The following ADAMTS14 variants were observed in gnomAD, a reference collection of about 807,000 sequenced individuals.
ADAMTS14 encodes ADAM metallopeptidase with thrombospondin type 1 motif 14, also known as A disintegrin and metalloproteinase with thrombospondin motifs 14.
ADAMTS14 carries 100 observed loss-of-function variants against 128.6 expected under a neutral mutation model. That is an observed-to-expected ratio of 0.78 (90% CI 0.66 to 0.92). ADAMTS14 has a LOEUF of 0.92. Among genes scored for constraint, ADAMTS14 ranks in the 40% least tolerant of loss-of-function variants. The pLI is 0.00. For missense variants in ADAMTS14, 1,562 were observed against 1,658.6 expected, an observed-to-expected ratio of 0.94 and a Z score of 1.01; for synonymous variants, 665 against 653.8, an observed-to-expected ratio of 1.02 and a Z score of -0.26.
At chr10:70,680,945 G>A (rs1415397259) in intron 2 of ADAMTS14, among the ~76,000 whole-genome samples, 4 of 152,180 alleles carry the variant, frequency 2.6e-5, no homozygotes, top group South Asian at 2.1e-4. Flanking sequence ...CCAGCCAATC[G>A]TGATTACTTT....
At chr10:70,754,164 G>A (rs563784153) in intron 19 of ADAMTS14, among the ~76,000 whole-genome samples, 157 bp downstream of exon 19, 1 of 152,344 alleles carries the variant, frequency 6.6e-6, no homozygotes, top group East Asian at 1.9e-4. Context: ...CGTACCCTGG[G>A]CCGTGGCTCT....
intron 2 of ADAMTS14, among the ~76,000 whole-genome samples, chr10:70,701,935 G>A (rs142733386): frequency 6.6e-6 from 1 of 152,320 alleles, no homozygotes; most frequent in Non-Finnish European, 1.5e-5. Flanking sequence ...GCTTCGGGCT[G>A]GAGTGCAGTG....
chr10:70,702,335 C>A lies in ADAMTS14; in HGVS notation c.546C>A (p.Ser182Arg). 1 of 1,614,224 alleles carries A rather than the reference C, an allele frequency of 6.2e-7. No individual in the cohort carries two copies. Among genetic ancestry groups the A allele is most frequent in the Non-Finnish European group, 8.5e-7 (1 of 1,180,042 alleles). Reference sequence around the variant, plus strand: ...AGGCGGGCCTCATCCGCACAGACAGCACCGACTTCTTCATTGAGCCTCTGG... The same window carrying A: ...AGGCGGGCCTCATCCGCACAGACAGAACCGACTTCTTCATTGAGCCTCTGG... ...DGLAGLIRTD[S>R]TDFFIEPLER... The change falls in exon 3 of 22, where the codon AGC (serine) becomes AGA (arginine). Residue 182 changes from serine (S) to arginine (R), a missense_variant. Transcript: ENST00000373207.
intron 4 of ADAMTS14, among the ~76,000 whole-genome samples, chr10:70,710,927 G>A (rs1032407829): frequency 6.6e-6 from 1 of 152,208 alleles, no homozygotes; most frequent in Admixed American, 6.5e-5. Flanking sequence ...AACATTGGTA[G>A]GGCGCTGCCT....
chr10:70,692,696 AAAGAC>A (rs1207475860), intron 2 of ADAMTS14, among the ~76,000 whole-genome samples: 1 of 152,248 alleles, frequency 6.6e-6, no homozygotes, highest in East Asian at 1.9e-4. Context: ...CTTATTGCCT[AAAGAC>A]AAGTCCCTAA....
At chr10:70,735,797 G>A (rs1252617575) in intron 9 of ADAMTS14, among the ~76,000 whole-genome samples, 1 of 152,220 alleles carries the variant, frequency 6.6e-6, no homozygotes, top group African/African-American at 2.4e-5. Context: ...GGATGGCACA[G>A]GGGAAGACTG....
chr10:70,727,028 G>A (rs1046970864), intron 4 of ADAMTS14, among the ~76,000 whole-genome samples: 5 of 152,194 alleles, frequency 3.3e-5, no homozygotes, highest in Non-Finnish European at 7.3e-5. Context: ...TACTCAATTG[G>A]ATCCAGATAT....
At chr10:70,713,391 A>G (rs566057810) in intron 4 of ADAMTS14, among the ~76,000 whole-genome samples, 3 of 152,328 alleles carry the variant, frequency 2.0e-5, no homozygotes, top group Non-Finnish European at 2.9e-5. Flanking sequence ...TCCAGCTCAC[A>G]CTAGCTGAAG....
intron 2 of ADAMTS14, among the ~76,000 whole-genome samples, chr10:70,679,520 T>C (rs1290869106): frequency 6.6e-6 from 1 of 151,976 alleles, no homozygotes. Flanking sequence ...GTCGGCAGAG[T>C]GGGGTCCCTG....
chr10:70,710,736 G>A (rs542125072), intron 4 of ADAMTS14, among the ~76,000 whole-genome samples: 5 of 152,214 alleles, frequency 3.3e-5, no homozygotes, highest in African/African-American at 1.2e-4. Context: ...ACTACCAGAG[G>A]TTTTGGGGAG....
At chr10:70,683,781 C>T (rs1361188532) in intron 2 of ADAMTS14, among the ~76,000 whole-genome samples, 2 of 152,154 alleles carry the variant, frequency 1.3e-5, no homozygotes, top group African/African-American at 2.4e-5. Context: ...CCCAAGCTGG[C>T]TTCTTTTACA....
chr10:70,675,163 C>T (rs190475211), intron 2 of ADAMTS14, among the ~76,000 whole-genome samples, 168 bp downstream of exon 2: 1 of 152,302 alleles, frequency 6.6e-6, no homozygotes, highest in East Asian at 1.9e-4. Context: ...TCATGCGCTG[C>T]CAGGTGTGAA....
Position 70,751,491 on chromosome 10 carries a change from CT to C in ADAMTS14, c.2442del (p.Glu815ArgfsTer98), listed in dbSNP as rs777924964. 6.2e-7 allele frequency: 1 copy of C among 1,605,644 alleles called. No individual in the cohort carries two copies. Among genetic ancestry groups the C allele is most frequent in the South Asian group, 1.1e-5 (1 of 90,858 alleles). On this transcript the variant is annotated frameshift_variant, in exon 17 of 22. Coordinates refer to ENST00000373207, the MANE Select transcript of ADAMTS14 (RefSeq NM_080722.4). LOFTEE classifies it high-confidence loss of function. ...EAIAILALPPTEGGPRSSLAY... is the reference protein window; with the variant it reads ...EAIAILALPPXEGGPRSSLAY... ...ATCTCCCCTCAGGCTCTCCCCCCAA[CT>C]GAGGGTGGCCCCCGCAGCAGCCTGG...
At chr10:70,706,205 G>GA (rs1483843204) in intron 3 of ADAMTS14, among the ~76,000 whole-genome samples, 1 of 152,220 alleles carries the variant, frequency 6.6e-6, no homozygotes, top group Non-Finnish European at 1.5e-5. Context: ...CAATTCCCCA[G>GA]AAAGTCTGCA....
At chr10:70,693,700 A>G (rs560762698) in intron 2 of ADAMTS14, among the ~76,000 whole-genome samples, 148 of 152,242 alleles carry the variant, frequency 9.7e-4, no homozygotes, top group African/African-American at 3.4e-3. Flanking sequence ...CTCCACTGAG[A>G]AAGACTTTTG....
intron 8 of ADAMTS14, 103 bp downstream of exon 8, chr10:70,734,131 T>C: frequency 6.8e-7 from 1 of 1,466,086 alleles, no homozygotes; most frequent in South Asian, 1.3e-5. Flanking sequence ...GCCCCTGGCT[T>C]GACTCTTCCG....
At chr10:70,706,944 C>G (rs1840686178) in intron 3 of ADAMTS14, among the ~76,000 whole-genome samples, 1 of 152,214 alleles carries the variant, frequency 6.6e-6, no homozygotes, top group African/African-American at 2.4e-5. Flanking sequence ...TCTGCACTCA[C>G]TCGCTCCCAT....
At position 70,738,852 on chromosome 10, in the gene ADAMTS14, A is replaced by G; in HGVS notation, c.1610A>G (p.Lys537Arg). 1.2e-6 allele frequency: 2 copies of G among 1,614,018 alleles called. No individual in the cohort carries two copies. Among genetic ancestry groups the G allele is most frequent in the Admixed American group, 1.7e-5 (1 of 60,014 alleles). Reference protein sequence around the residue: ...TECAPGKWCFKGHCIWKSPEQ... With the variant: ...TECAPGKWCFRGHCIWKSPEQ... ...TCTGCTCTGCCCCAGTGGTGCTTCA[A>G]AGGTCACTGCATCTGGAAGTCGCCG... Residue 537 changes from lysine to arginine, a missense_variant, in exon 11 of 22, where the codon AAA (lysine) becomes AGA (arginine). Transcript: ENST00000373207.
chr10:70,718,287 C>G (rs1841120412), intron 4 of ADAMTS14, among the ~76,000 whole-genome samples: 2 of 152,096 alleles, frequency 1.3e-5, no homozygotes, highest in Non-Finnish European at 2.9e-5. Context: ...TCTTTTATGT[C>G]TCTTCCCCAA....
Sources: allele counts gnomAD v4.1 joint callset (sites outside exome capture counted in the v4.1 genomes callset), GRCh38; gene constraint gnomAD v4.1.1; transcripts MANE v1.5; gene names NCBI Gene and HGNC (gene_info 2026-07-23, HGNC 2026-07-21).